Variants in SPDYC observed in about 807,000 individuals in gnomAD.
SPDYC encodes the protein speedy/RINGO cell cycle regulator family member C.
In SPDYC, 25 loss-of-function variants were observed where a neutral mutation model predicts 33.9. The ratio of observed to expected loss-of-function variants is 0.74; its 90% CI spans 0.54 to 1.03. The LOEUF is 1.03. Among genes scored for constraint, SPDYC ranks in the 50% least tolerant of loss-of-function variants. SPDYC has a pLI of 0.00. For missense variants in SPDYC, 349 were observed against 382.9 expected (o/e 0.91, Z 0.74); for synonymous variants, 133 against 140.2 (o/e 0.95, Z 0.36).
In SPDYC at chr11:65,172,520, G is replaced by A. The variant is rs771306311; in HGVS notation, c.431G>A (p.Arg144Gln). The change falls in exon 5 of 7, where the codon CGA becomes CAA. Residue 144 changes from arginine to glutamine, a missense_variant. Transcript: ENST00000377185. ...GCCCTGGGAAAAGATTGGTGTTTAC[G>A]AGTGGGGAAATTCCTGCACCAGAGG... The A allele has an allele frequency of 8.9e-6, 14 of 1,578,674 alleles. No homozygotes were observed. Among genetic ancestry groups the A allele is most frequent in the South Asian group, 2.3e-5 (2 of 85,128 alleles).
intron 6 of SPDYC, 40 bp downstream of exon 6, chr11:65,173,054 G>C (rs1422389039): frequency 6.2e-7 from 1 of 1,603,084 alleles, no homozygotes; most frequent in African/African-American, 1.3e-5. Flanking sequence ...GCTGGTGTGG[G>C]AGCTTGGGAG....
rs370920691 is a variant in SPDYC, at chr11:65,172,818, C to A, written c.651C>A (p.Ser217=). The change falls in exon 6 of 7, where the codon TCC becomes TCA. Residue 217 remains serine, a synonymous_variant. Transcript: ENST00000377185. ...CTGGCCTCTCGCCGCCCCACTGTTC[C>A]CCCTGTGGTTTGCCCCAGCACTGCA... 2.7e-5 allele frequency: 44 copies of A among 1,614,052 alleles called. No homozygotes were observed. In the African/African-American group the frequency reaches 5.6e-4, roughly 21 times the overall value.
In SPDYC at chr11:65,171,925, T is replaced by C. The variant is rs376152260; in HGVS notation, c.200-18T>C. ...GGTGGTGGTAACCTGCGTCCTGTCA[T>C]GTCTTCTCTACCCTCAGAGGACAGT... On this transcript the variant is annotated intron_variant, in intron 2 of 6. Coordinates refer to ENST00000377185, the Ensembl canonical transcript of SPDYC. The C allele has an allele frequency of 3.7e-6, 6 of 1,613,584 alleles. No homozygotes were observed. The highest frequency in any genetic ancestry group is 5.1e-6 in the Non-Finnish European group (6 of 1,179,644).
Position 65,173,025 on chromosome 11 carries a change from G to T in SPDYC, c.847+11G>T, listed in dbSNP as rs1455939178. Reference sequence around the variant, plus strand: ...CCTACTCCCTCCGCAGTGAGTGCAGGATGGGACAGGAGCTGGGGGCTGGTG... The same window carrying T: ...CCTACTCCCTCCGCAGTGAGTGCAGTATGGGACAGGAGCTGGGGGCTGGTG... On this transcript the variant is annotated intron_variant, in intron 6 of 6. Coordinates refer to ENST00000377185, the Ensembl canonical transcript of SPDYC. 1.2e-6 allele frequency: 2 copies of T among 1,611,098 alleles called. No homozygotes were observed. The highest frequency in any genetic ancestry group is 8.5e-7 in the Non-Finnish European group (1 of 1,178,380).
chr11:65,172,212 A>G (rs758993961), intron 3 of SPDYC, 34 bp from the exon 4 acceptor site: 2 of 1,612,294 alleles, frequency 1.2e-6, no homozygotes, highest in Non-Finnish European at 1.7e-6. Flanking sequence ...TCCTCAGAGA[A>G]TAACTAACCC....
chr11:65,171,355 G>A lies in SPDYC; in HGVS notation c.55G>A (p.Glu19Lys). 1 of 1,612,586 alleles carries A rather than the reference G, an allele frequency of 6.2e-7. No homozygotes were observed. Among genetic ancestry groups the A allele is most frequent in the Non-Finnish European group, 8.5e-7 (1 of 1,179,358 alleles). The change falls in exon 2 of 7, where the codon GAG (glutamate) becomes AAG (lysine). Residue 19 changes from glutamate (E) to lysine (K), a missense_variant. Physicochemically the swap from Glu to Lys is moderately conservative, Grantham distance 56. It removes an upstream start codon present in the reference 5' UTR. Coordinates refer to ENST00000377185, the Ensembl canonical transcript of SPDYC. ...ACCCTGCCCCATCTCCATCTCCTAT[G>A]AGATGAGTGACTCCCAAGACCCCAC...
exon 4 of SPDYC, chr11:65,172,302 G>C: frequency 6.2e-7 from 1 of 1,614,174 alleles, no homozygotes. Flanking sequence ...AGCTCAGCGA[G>C]TATACCCACA....
chr11:65,170,655 G>C (rs189311510), intron 1 of SPDYC, among the ~76,000 whole-genome samples: 1 of 150,792 alleles, frequency 6.6e-6, no homozygotes, highest in South Asian at 2.1e-4. Context: ...CCAGCACTTT[G>C]GGAGGTCAGG....
At chr11:65,171,541 G>T in intron 2 of SPDYC, 42 bp downstream of exon 2, 1 of 1,478,340 alleles carries the variant, frequency 6.8e-7, no homozygotes, top group South Asian at 1.4e-5. Flanking sequence ...GTGAGGTCAA[G>T]TGTGAAAGCA....
chr11:65,173,055 A>T (rs760208091), intron 6 of SPDYC, 41 bp downstream of exon 6: 4 of 1,603,022 alleles, frequency 2.5e-6, no homozygotes, highest in Non-Finnish European at 3.4e-6. Flanking sequence ...CTGGTGTGGG[A>T]GCTTGGGAGG....
chr11:65,170,935 C>T (rs779954238), intron 1 of SPDYC, among the ~76,000 whole-genome samples: 4 of 152,144 alleles, frequency 2.6e-5, no homozygotes, highest in Non-Finnish European at 5.9e-5. Context: ...AGACCAAGGG[C>T]TTCACTTTTA....
chr11:65,170,257 C>G (rs1285523669), exon 1 of SPDYC: 2 of 1,580,374 alleles, frequency 1.3e-6, no homozygotes, highest in Admixed American at 1.8e-5. Flanking sequence ...CATTCCTGAG[C>G]TCGGGTAAGG....
At chr11:65,172,770 C>G in exon 6 of SPDYC, 1 of 1,613,984 alleles carries the variant, frequency 6.2e-7, no homozygotes. Context: ...GTCCACAGGT[C>G]CCTGTTCGCC....
chr11:65,171,255 C>T lies in SPDYC; in HGVS notation c.27-72C>T, dbSNP rs1948428317. ...CACCCACCCCTCCACCGTCCTGGCC[C>T]CTGTCACCACCCTCTTGATTTGTGA... On this transcript the variant is annotated intron_variant, in intron 1 of 6. Coordinates refer to ENST00000377185, the Ensembl canonical transcript of SPDYC. 2.0e-6 allele frequency: 3 copies of T among 1,525,226 alleles called. No homozygotes were observed. The East Asian group carries it at 7.3e-5, about 37-fold the overall frequency. The allele number at this position is 1,525,226 out of a possible 1,614,324, so 94.5% of individuals were successfully genotyped here. A position where few individuals can be genotyped will look rare whatever the true frequency, so the allele number is the denominator to read the frequency against.
Sources: gnomAD v4.1 joint callset for allele counts (sites outside exome capture counted in the v4.1 genomes callset) on GRCh38, gnomAD v4.1.1 for gene constraint, MANE v1.5 for transcripts, NCBI Gene and HGNC (gene_info 2026-07-23, HGNC 2026-07-21) for gene names.